The following RANBP17 variants were observed in gnomAD, a reference collection of about 807,000 sequenced individuals.
RANBP17 encodes RAN binding protein 17.
A neutral mutation model predicts 141.2 loss-of-function variants in RANBP17; 158 were observed. The observed-to-expected ratio is 1.12, with a 90% CI of 0.98 to 1.28. RANBP17 has a LOEUF of 1.28. Ranked by LOEUF, RANBP17 falls within the 50% of genes most tolerant of loss-of-function variation. The probability of loss-of-function intolerance (pLI) is 0.00; values close to 1 mark genes in which losing one functional copy is unlikely to be tolerated. For missense variants in RANBP17, 1,438 were observed against 1,290.7 expected (o/e 1.11, Z -1.75); for synonymous variants, 430 against 450.0 (o/e 0.96, Z 0.56).
Position 171,052,073 on chromosome 5 carries a change from T to C in RANBP17, c.1710+83696T>C, listed in dbSNP as rs1412623448. On this transcript the variant is annotated intron_variant, in intron 14 of 27. Coordinates refer to ENST00000523189, the MANE Select transcript of RANBP17 (RefSeq NM_022897.5). The stretch of plus-strand genomic sequence containing the variant: ...TTGAAGGAGGATCTGGATTTTTAAA[T>C]CCTTTGCTTATTTTTAAATTGGGTC... Among the ~76,000 whole-genome samples the C allele has an allele frequency of 2.0e-5, 3 of 152,208 alleles. No homozygotes were observed. The South Asian group carries it at 6.2e-4, about 32-fold the overall frequency.
chr5:171,059,680 GTT>G (rs1487721262), intron 14 of RANBP17, among the ~76,000 whole-genome samples: 1 of 149,328 alleles, frequency 6.7e-6, no homozygotes, highest in Non-Finnish European at 1.5e-5. Context: ...CTTTAAAGTA[GTT>G]TTTTCCAATT....
At chr5:171,281,409 G>T (rs1767851629) in intron 25 of RANBP17, among the ~76,000 whole-genome samples, 1 of 152,174 alleles carries the variant, frequency 6.6e-6, no homozygotes, top group Non-Finnish European at 1.5e-5. Context: ...TTCCACTAAG[G>T]TCAGGGAACT....
intron 25 of RANBP17, among the ~76,000 whole-genome samples, chr5:171,281,323 A>G (rs905293481): frequency 4.6e-5 from 7 of 152,236 alleles, no homozygotes; most frequent in African/African-American, 1.4e-4. Context: ...ACCTACCAGA[A>G]AGAAAACCCT....
At chr5:171,254,274 G>C (rs529611290) in intron 24 of RANBP17, among the ~76,000 whole-genome samples, 2 of 151,538 alleles carry the variant, frequency 1.3e-5, no homozygotes, top group South Asian at 4.2e-4. Context: ...AATTCCTGTA[G>C]TTGTTGGAAT....
At chr5:171,115,016 A>G (rs540571570) in intron 14 of RANBP17, among the ~76,000 whole-genome samples, 11 of 152,048 alleles carry the variant, frequency 7.2e-5, no homozygotes, top group Non-Finnish European at 1.6e-4. Flanking sequence ...TGGGAGGATG[A>G]TTGCAGCCCG....
At chr5:171,170,233 C>A (rs765178322) in intron 15 of RANBP17, 30 bp downstream of exon 15, 3 of 1,305,184 alleles carry the variant, frequency 2.3e-6, no homozygotes, top group Non-Finnish European at 3.2e-6. Context: ...TTTAATTTTT[C>A]TTTTGTTGTT....
chr5:171,066,795 C>A (rs1164209774), intron 14 of RANBP17, among the ~76,000 whole-genome samples: 1 of 152,140 alleles, frequency 6.6e-6, no homozygotes, highest in Non-Finnish European at 1.5e-5. Context: ...CAACAGTGTG[C>A]AAACGTTCCC....
intron 12 of RANBP17, 142 bp downstream of exon 12, chr5:170,924,692 C>A: frequency 3.7e-6 from 2 of 534,876 alleles, no homozygotes; most frequent in Non-Finnish European, 6.3e-6. Flanking sequence ...TTTTATTAAC[C>A]TCCTGGGTAT....
In RANBP17 at chr5:171,212,983, G is replaced by T. The variant is rs191253348; in HGVS notation, c.2232-648G>T. Among the ~76,000 whole-genome samples, 128 of 152,214 alleles carry T rather than the reference G, an allele frequency of 8.4e-4. 1 individual carries two copies. The highest frequency in any genetic ancestry group is 1.7e-3 in the Non-Finnish European group (115 of 68,008). On this transcript the variant is annotated intron_variant, in intron 20 of 27. Transcript: ENST00000523189. ...AGAGAATGTCTCCTTGTGTGTACAT[G>T]GGACTATCTTTAGTGACACTGATGT...
intron 25 of RANBP17, among the ~76,000 whole-genome samples, chr5:171,269,357 A>G (rs1581156316): frequency 1.3e-5 from 2 of 152,220 alleles, no homozygotes; most frequent in South Asian, 2.1e-4. Context: ...TGAAAAATCA[A>G]TTCCACCCGC....
chr5:171,254,384 G>A (rs1461067500), intron 24 of RANBP17, among the ~76,000 whole-genome samples: 1 of 152,050 alleles, frequency 6.6e-6, no homozygotes, highest in Non-Finnish European at 1.5e-5. Flanking sequence ...TCATGTCATA[G>A]CATTTATGTT....
intron 1 of RANBP17, among the ~76,000 whole-genome samples, chr5:170,873,104 TTTTGCCACG>T (rs1192878159): frequency 1.3e-5 from 2 of 152,054 alleles, no homozygotes; most frequent in Non-Finnish European, 2.9e-5. Context: ...AGAGATGGGG[TTTTGCCACG>T]TTGGCCAGAC....
chr5:170,956,047 T>C (rs966224273), intron 13 of RANBP17, among the ~76,000 whole-genome samples: 1 of 151,752 alleles, frequency 6.6e-6, no homozygotes, highest in South Asian at 2.1e-4. Context: ...CAGCTGTCTT[T>C]GGTATTAATA....
chr5:171,054,223 A>G (rs1056636034), intron 14 of RANBP17, among the ~76,000 whole-genome samples: 3 of 151,938 alleles, frequency 2.0e-5, no homozygotes, highest in Non-Finnish European at 2.9e-5. Flanking sequence ...TCACTTGTTC[A>G]TTTTTAAAGT....
intron 14 of RANBP17, among the ~76,000 whole-genome samples, chr5:171,034,348 C>G (rs1297787098): frequency 6.6e-6 from 1 of 152,096 alleles, no homozygotes; most frequent in East Asian, 1.9e-4. Context: ...TTACCACCCC[C>G]TTTGTAAAGC....
At chr5:171,187,562 A>C (rs1003018045) in intron 18 of RANBP17, among the ~76,000 whole-genome samples, 2 of 152,234 alleles carry the variant, frequency 1.3e-5, no homozygotes, top group Non-Finnish European at 2.9e-5. Context: ...AATTTAAAAA[A>C]TAATTAAAAA....
chr5:171,168,606 G>A (rs1046826373), intron 14 of RANBP17, among the ~76,000 whole-genome samples: 1 of 152,082 alleles, frequency 6.6e-6, no homozygotes, highest in Non-Finnish European at 1.5e-5. Flanking sequence ...AAAGGTTTGT[G>A]ATTATTGAGG....
At chr5:170,967,961 A>C (rs576137158) in intron 13 of RANBP17, among the ~76,000 whole-genome samples, 5 of 151,880 alleles carry the variant, frequency 3.3e-5, no homozygotes, top group South Asian at 4.1e-4. Flanking sequence ...TTATTTTATC[A>C]GTTTTTAGTA....
chr5:171,157,635 C>T (rs1037148302), intron 14 of RANBP17, among the ~76,000 whole-genome samples: 1 of 152,146 alleles, frequency 6.6e-6, no homozygotes, highest in Non-Finnish European at 1.5e-5. Flanking sequence ...AAATAATTGC[C>T]TCTACAAAAG....
Sources: gnomAD v4.1 joint callset for allele counts (sites outside exome capture counted in the v4.1 genomes callset) on GRCh38, gnomAD v4.1.1 for gene constraint, MANE v1.5 for transcripts, NCBI Gene and HGNC (gene_info 2026-07-23, HGNC 2026-07-21) for gene names.